The following PKD1 variants were observed in gnomAD, a reference collection of about 807,000 sequenced individuals.
PKD1 encodes the protein polycystin 1, transient receptor potential channel interacting.
Under a neutral mutation model 361.7 loss-of-function variants are expected in PKD1, and 81 were observed. That is an observed-to-expected ratio of 0.22 (90% CI 0.19 to 0.27). The LOEUF is 0.27. Ranked by LOEUF, PKD1 falls within the 10% of genes least tolerant of loss-of-function variation. PKD1 has a pLI of 1.00. For missense variants in PKD1, 6,399 were observed against 6,118.3 expected (o/e 1.05, Z -1.53); for synonymous variants, 3,615 against 2,818.3 (o/e 1.28, Z -8.95).
chr16:2,113,983 T>C, intron 11 of PKD1, 187 bp downstream of exon 11: 3 of 608,144 alleles, frequency 4.9e-6, no homozygotes, highest in Non-Finnish European at 5.8e-6. Flanking sequence ...GTCAGAGCCG[T>C]GACTTTCCAG....
Position 2,092,110 on chromosome 16 carries a change from A to T in PKD1, c.11348T>A (p.Val3783Asp). ...AGGFSTSDYD[V>D]GWESPHNGSG... ...GCCATTGTGAGGACTCTCCCAGCCA[A>T]CGTCGTAATCGCTGGTGCTGAAGCC... Residue 3783 changes from valine (V) to aspartate (D), a missense_variant, in exon 40 of 46, where the codon GTT (valine) becomes GAT (aspartate). Val to Asp is a radical substitution (Grantham distance 152). Coordinates refer to ENST00000262304, the MANE Select transcript of PKD1 (RefSeq NM_001009944.3). 6.2e-7 allele frequency: 1 copy of T among 1,612,852 alleles called. No individual in the cohort carries two copies. The highest frequency in any genetic ancestry group is 8.5e-7 in the Non-Finnish European group (1 of 1,179,978).
At chr16:2,114,126 G>A in intron 11 of PKD1, 44 bp downstream of exon 11, 5 of 1,556,166 alleles carry the variant, frequency 3.2e-6, no homozygotes, top group Non-Finnish European at 3.5e-6. Flanking sequence ...CCTGTCTGCA[G>A]GCACCTGCCT....
chr16:2,111,392 T>C lies in PKD1; in HGVS notation c.3775A>G (p.Thr1259Ala). The change falls in exon 15 of 46, where the codon ACA (threonine) becomes GCA (alanine). Residue 1259 changes from threonine (T) to alanine (A), a missense_variant. Transcript: ENST00000262304. ...GCCCGCAGGTACACATGCTCCACTG[T>C]TGCCTCCGGGCCCGACAGCACGGTG... ...DGTVLSGPEA[T>A]VEHVYLRAQN... The C allele has an allele frequency of 2.5e-6, 4 of 1,611,558 alleles. No homozygotes were observed. Among genetic ancestry groups the C allele is most frequent in the South Asian group, 1.1e-5 (1 of 91,050 alleles).
intron 1 of PKD1, chr16:2,119,951 C>A: frequency 3.1e-6 from 2 of 638,394 alleles, no homozygotes; most frequent in East Asian, 5.4e-5. Flanking sequence ...CTGGGGCACA[C>A]GCCGGTAACA....
chr16:2,093,771 G>A (rs371211398), intron 36 of PKD1, 33 bp from the exon 37 acceptor site: 18 of 1,561,122 alleles, frequency 1.2e-5, no homozygotes, highest in South Asian at 2.3e-5. Context: ...GGGGTCCCCC[G>A]TGATGGAGGC....
chr16:2,116,272 C>G, intron 8 of PKD1, 154 bp from the exon 9 acceptor site: 1 of 811,938 alleles, frequency 1.2e-6, no homozygotes, highest in Non-Finnish European at 2.0e-6. Context: ...AGGAAGACTC[C>G]GGTGGAAACT....
At position 2,091,775 on chromosome 16, in the gene PKD1, T is replaced by TCCC. The variant is rs201204878; in HGVS notation, c.11537+3_11537+5dup. The TCCC allele has an allele frequency of 7.6e-3, 12,235 of 1,609,866 alleles. 115 individuals carry two copies. The highest frequency in any genetic ancestry group is 0.036 in the Middle Eastern group (213 of 5,942). Reference sequence around the variant, plus strand: ...CCCCGGAGAGGGCAGGGGAGGGAGCTCCCACCTGTTGTCCAGCCAGTTGTG... The same window carrying TCCC: ...CCCCGGAGAGGGCAGGGGAGGGAGCTCCCCCCACCTGTTGTCCAGCCAGTTGTG... On this transcript the variant is annotated splice_donor_region_variant and intron_variant, in intron 41 of 45. Transcript: ENST00000262304.
At position 2,089,397 on chromosome 16, in the gene PKD1, A is replaced by C. The variant is rs1283034920; in HGVS notation, c.*330T>G. ...AACCCTCCCTGAAGCCAGCAGCCTTAGCAGTGGGGGACATCTGCCCAGGGG... is the reference window on the plus strand; with the variant it reads ...AACCCTCCCTGAAGCCAGCAGCCTTCGCAGTGGGGGACATCTGCCCAGGGG... On this transcript the variant is annotated 3_prime_UTR_variant, in exon 46 of 46. Transcript: ENST00000262304. 2.3e-5 allele frequency: 10 copies of C among 431,076 alleles called. No individual in the cohort carries two copies. The highest frequency in any genetic ancestry group is 4.2e-5 in the Non-Finnish European group (10 of 236,054). 26.7% of individuals were successfully genotyped at this position (431,076 alleles called of 1,614,324 possible). A position where few individuals can be genotyped will look rare whatever the true frequency, so the allele number is the denominator to read the frequency against.
intron 33 of PKD1, 22 bp from the exon 34 acceptor site, chr16:2,097,263 G>T: frequency 1.2e-6 from 2 of 1,601,814 alleles, no homozygotes; most frequent in Middle Eastern, 1.7e-4. Flanking sequence ...GGAGGCATAG[G>T]GTGGGCCCAG....
chr16:2,130,103 T>A (rs980562720), intron 1 of PKD1, among the ~76,000 whole-genome samples: 5 of 152,330 alleles, frequency 3.3e-5, no homozygotes, highest in African/African-American at 1.2e-4. Context: ...GTCCACAAGT[T>A]TGGCGAGTTT....
In PKD1 at chr16:2,094,150, C is replaced by T. The variant is rs747705637; in HGVS notation, c.10560G>A (p.Gly3520=). Residue 3520 remains glycine (G), a synonymous_variant, in exon 35 of 46, where the codon GGG becomes GGA. Coordinates refer to ENST00000262304, the MANE Select transcript of PKD1 (RefSeq NM_001009944.3). ...CCCAGTTCAGGCCTGGGCTGGGTGGCCCCAGCTCCCCCAGCCTCTGCAGCG... is the reference window on the plus strand; with the variant it reads ...CCCAGTTCAGGCCTGGGCTGGGTGGTCCCAGCTCCCCCAGCCTCTGCAGCG... ...TLALQRLGEL[G]PPSPGLNWEQ... The T allele has an allele frequency of 1.3e-6, 2 of 1,598,710 alleles. No homozygotes were observed. The highest frequency in any genetic ancestry group is 2.2e-5 in the South Asian group (2 of 88,946).
At position 2,117,474 on chromosome 16, in the gene PKD1, G is replaced by A. The variant is rs1033460926; in HGVS notation, c.1385+15C>T. On this transcript the variant is annotated intron_variant, in intron 6 of 45. Transcript: ENST00000262304. ...TCTCCCAACCTATGGCCCCTCGGGG[G>A]GTGGGGGCAGGCACCTGGTGACCCG... 29 of 1,448,042 alleles carry A rather than the reference G, an allele frequency of 2.0e-5. No individual in the cohort carries two copies. The highest frequency in any genetic ancestry group is 2.4e-4 in the Middle Eastern group (1 of 4,136). 89.7% of individuals were successfully genotyped at this position (1,448,042 alleles called of 1,614,324 possible).
intron 1 of PKD1, among the ~76,000 whole-genome samples, chr16:2,125,352 G>A (rs1184866945): frequency 6.6e-6 from 1 of 152,214 alleles, no homozygotes; most frequent in African/African-American, 2.4e-5. Flanking sequence ...GAGGCTGCCA[G>A]GCCCCAAGCA....
intron 34 of PKD1, among the ~76,000 whole-genome samples, chr16:2,096,157 T>C (rs1211824038): frequency 6.6e-6 from 1 of 152,204 alleles, no homozygotes; most frequent in Non-Finnish European, 1.5e-5. Flanking sequence ...GAGAAATGCG[T>C]CATTAGGTAA....
intron 1 of PKD1, among the ~76,000 whole-genome samples, chr16:2,126,962 G>A (rs1350703798): frequency 2.6e-5 from 4 of 152,170 alleles, no homozygotes; most frequent in African/African-American, 9.7e-5. Context: ...GGTGGCCAGC[G>A]CATCACCCAC....
rs1222094213 is a variant in PKD1, at chr16:2,104,564, G to C, written c.8095C>G (p.Gln2699Glu). Residue 2699 changes from glutamine to glutamate, a missense_variant, in exon 22 of 46, where the codon CAG (glutamine) becomes GAG (glutamate). Transcript: ENST00000262304. ...ACGGTGCCCGCGGTGGTCTCTGCCT[G>C]CAGGATGAGCATCATGGCCTCCAGC... Reference protein sequence around the residue: ...HKLEAMMLILQAETTAGTVTP... With the variant: ...HKLEAMMLILEAETTAGTVTP... 1 of 1,600,480 alleles carries C rather than the reference G, an allele frequency of 6.2e-7. No homozygotes were observed. The highest frequency in any genetic ancestry group is 8.5e-7 in the Non-Finnish European group (1 of 1,175,578).
In PKD1 at chr16:2,108,703, A is replaced by G; in HGVS notation, c.6464T>C (p.Leu2155Pro). Residue 2155 changes from leucine to proline, a missense_variant, in exon 15 of 46, where the codon CTG (leucine) becomes CCG (proline). Coordinates refer to ENST00000262304, the MANE Select transcript of PKD1 (RefSeq NM_001009944.3). ...ACREPEVDVV[L>P]PLQVLMRRSQ... Reference sequence around the variant, plus strand: ...TCGCCGCATCAGCACCTGCAGGGGCAGGACCACGTCCACCTCCGGCTCCCG... The same window carrying G: ...TCGCCGCATCAGCACCTGCAGGGGCGGGACCACGTCCACCTCCGGCTCCCG... The G allele has an allele frequency of 2.5e-6, 4 of 1,570,602 alleles. No individual in the cohort carries two copies. The highest frequency in any genetic ancestry group is 8.6e-7 in the Non-Finnish European group (1 of 1,158,750).
At position 2,089,522 on chromosome 16, in the gene PKD1, G is replaced by T. The variant is rs774721414; in HGVS notation, c.*205C>A. The T allele has an allele frequency of 3.2e-6, 2 of 620,518 alleles. No individual in the cohort carries two copies. The highest frequency in any genetic ancestry group is 5.7e-6 in the Non-Finnish European group (2 of 350,364). The allele number at this position is 620,518 out of a possible 1,614,324, so 38.4% of individuals were successfully genotyped here. A position where few individuals can be genotyped will look rare whatever the true frequency, so the allele number is the denominator to read the frequency against. On this transcript the variant is annotated 3_prime_UTR_variant, in exon 46 of 46. Coordinates refer to ENST00000262304, the MANE Select transcript of PKD1 (RefSeq NM_001009944.3). ...CAATACTGCTGTGTCCTTCCCAAGG[G>T]AGCTGGGGAGGGGACCCTGGGTCCT...
At chr16:2,122,027 G>A (rs1471180665) in intron 1 of PKD1, among the ~76,000 whole-genome samples, 4 of 152,388 alleles carry the variant, frequency 2.6e-5, no homozygotes, top group African/African-American at 7.2e-5. Context: ...CCCGGCGCAG[G>A]AGAGACGCAC....
Sources: gnomAD v4.1 joint callset for allele counts (sites outside exome capture counted in the v4.1 genomes callset) on GRCh38, gnomAD v4.1.1 for gene constraint, MANE v1.5 for transcripts, NCBI Gene and HGNC (gene_info 2026-07-23, HGNC 2026-07-21) for gene names.